The following PLEKHA5 variants were observed in gnomAD, a reference collection of about 807,000 sequenced individuals.
The protein encoded by PLEKHA5 is pleckstrin homology domain containing A5.
A neutral mutation model predicts 181.9 loss-of-function variants in PLEKHA5; 55 were observed. The ratio of observed to expected loss-of-function variants is 0.30; its 90% CI spans 0.24 to 0.38. PLEKHA5 has a LOEUF of 0.38. Among genes scored for constraint, PLEKHA5 ranks in the 10% least tolerant of loss-of-function variants. The probability of loss-of-function intolerance (pLI) is 1.00; values close to 1 mark genes in which losing one functional copy is unlikely to be tolerated. For missense variants in PLEKHA5, 1,432 were observed against 1,549.5 expected (o/e 0.92, Z 1.27); for synonymous variants, 535 against 529.4 (o/e 1.01, Z -0.15).
intron 11 of PLEKHA5, among the ~76,000 whole-genome samples, chr12:19,282,600 C>T (rs2076415108): frequency 6.6e-6 from 1 of 152,174 alleles, no homozygotes. Flanking sequence ...CTTCATATTT[C>T]ATCCATACAT....
chr12:19,240,931 C>G (rs369903248), intron 3 of PLEKHA5, among the ~76,000 whole-genome samples: 1 of 152,094 alleles, frequency 6.6e-6, no homozygotes, highest in African/African-American at 2.4e-5. Context: ...CTTTTTAACC[C>G]GCTAAAATAT....
At chr12:19,131,241 G>T (rs949779533) in intron 2 of PLEKHA5, among the ~76,000 whole-genome samples, 1 of 152,138 alleles carries the variant, frequency 6.6e-6, no homozygotes, top group Non-Finnish European at 1.5e-5. Flanking sequence ...GACATTCCGT[G>T]AATCTGTTAA....
intron 3 of PLEKHA5, among the ~76,000 whole-genome samples, chr12:19,231,999 A>G (rs370599256): frequency 1.3e-5 from 2 of 152,266 alleles, no homozygotes; most frequent in South Asian, 2.1e-4. Flanking sequence ...CATTTCTCCT[A>G]TAGCTCAGAA....
chr12:19,162,989 C>T (rs1275556756), intron 3 of PLEKHA5, among the ~76,000 whole-genome samples: 1 of 152,050 alleles, frequency 6.6e-6, no homozygotes, highest in African/African-American at 2.4e-5. Context: ...TTATTTAGTG[C>T]CTTTTAAGTG....
chr12:19,161,356 G>A (rs1223889100), intron 3 of PLEKHA5, among the ~76,000 whole-genome samples: 2 of 152,168 alleles, frequency 1.3e-5, no homozygotes, highest in Non-Finnish European at 2.9e-5. Context: ...ACACTTCAGT[G>A]AATGTCATAA....
At chr12:19,299,346 C>T (rs1189736099) in intron 15 of PLEKHA5, among the ~76,000 whole-genome samples, 1 of 152,168 alleles carries the variant, frequency 6.6e-6, no homozygotes, top group Non-Finnish European at 1.5e-5. Flanking sequence ...GGTGTTTGCT[C>T]AGGAGAACAA....
At chr12:19,370,664 A>T (rs962127762) in intron 31 of PLEKHA5, 1 of 152,024 alleles carries the variant, frequency 6.6e-6, no homozygotes, top group Admixed American at 6.6e-5. Flanking sequence ...AAGCATTAGT[A>T]CTAACATCTT....
At chr12:19,249,230 A>T (rs2064596694) in intron 3 of PLEKHA5, among the ~76,000 whole-genome samples, 1 of 152,206 alleles carries the variant, frequency 6.6e-6, no homozygotes, top group African/African-American at 2.4e-5. Context: ...GTGTAACAGC[A>T]TGCCAGCATC....
At chr12:19,346,892 G>A in intron 23 of PLEKHA5, 102 bp from the exon 24 acceptor site, 5 of 736,182 alleles carry the variant, frequency 6.8e-6, no homozygotes, top group Non-Finnish European at 1.0e-5. Context: ...GTCCCTTTTA[G>A]TATCTTAAAG....
At chr12:19,235,513 G>A (rs1338674602) in intron 3 of PLEKHA5, among the ~76,000 whole-genome samples, 1 of 152,172 alleles carries the variant, frequency 6.6e-6, no homozygotes, top group Non-Finnish European at 1.5e-5. Flanking sequence ...GGTAAGCACT[G>A]TTCTAATTGC....
At chr12:19,290,089 C>T (rs566767642) in intron 13 of PLEKHA5, among the ~76,000 whole-genome samples, 6 of 152,006 alleles carry the variant, frequency 3.9e-5, no homozygotes, top group South Asian at 4.2e-4. Context: ...ATTACAGTTG[C>T]GTGCCACCAT....
At chr12:19,145,735 C>A (rs1208729829) in intron 3 of PLEKHA5, among the ~76,000 whole-genome samples, 1 of 151,826 alleles carries the variant, frequency 6.6e-6, no homozygotes, top group East Asian at 1.9e-4. Context: ...TAAACAGAAT[C>A]TTTGTGGTCA....
At chr12:19,236,001 G>A (rs1387108827) in intron 3 of PLEKHA5, among the ~76,000 whole-genome samples, 2 of 152,216 alleles carry the variant, frequency 1.3e-5, no homozygotes, top group Non-Finnish European at 1.5e-5. Flanking sequence ...ATCCTACATA[G>A]CTAAACACAG....
chr12:19,162,938 G>A (rs954935104), intron 3 of PLEKHA5, among the ~76,000 whole-genome samples: 2 of 152,146 alleles, frequency 1.3e-5, no homozygotes, highest in African/African-American at 4.8e-5. Flanking sequence ...CTCTAGACTA[G>A]TCTAGTGTCT....
At position 19,147,807 on chromosome 12, in the gene PLEKHA5, G is replaced by A. The variant is rs377032521; in HGVS notation, c.227+15357G>A. On this transcript the variant is annotated intron_variant, in intron 3 of 31. Coordinates refer to ENST00000429027, the MANE Select transcript of PLEKHA5 (RefSeq NM_001256470.2). ...GCTGGAGTGCAGTGGCATGATCAGA[G>A]CTCACCTCAGCTTTGAATTCCTGGC... Among the ~76,000 whole-genome samples, 15 of 152,200 alleles carry A rather than the reference G, an allele frequency of 9.9e-5. No individual in the cohort carries two copies. The East Asian group carries it at 2.9e-3, about 29-fold the overall frequency.
rs541367579 is a variant in PLEKHA5 at position 19,261,840 on chromosome 12, C to A, written c.610+819C>A. Among the ~76,000 whole-genome samples the A allele has an allele frequency of 4.6e-5, 7 of 152,166 alleles. No individual in the cohort carries two copies. The South Asian group carries it at 1.2e-3, about 27-fold the overall frequency. On this transcript the variant is annotated intron_variant, in intron 7 of 31. Transcript: ENST00000429027. ...TACATTTTTTGACTGCACAAAAGAC[C>A]GGTAGCAAAATTTATAGTTGTGTAT...
intron 21 of PLEKHA5, among the ~76,000 whole-genome samples, chr12:19,342,901 T>A (rs2153180433): frequency 6.6e-6 from 1 of 152,282 alleles, no homozygotes; most frequent in South Asian, 2.1e-4. Context: ...TAGTACACCT[T>A]CCATTTCTCA....
At chr12:19,178,133 T>G (rs952430624) in intron 3 of PLEKHA5, among the ~76,000 whole-genome samples, 1 of 152,202 alleles carries the variant, frequency 6.6e-6, no homozygotes, top group Admixed American at 6.5e-5. Flanking sequence ...GAAATCTCCT[T>G]GGTCTATTAT....
rs571448822 is a variant in PLEKHA5 at position 19,254,098 on chromosome 12, A to G, written c.311+75A>G. The G allele has an allele frequency of 7.0e-5, 61 of 875,962 alleles. No individual in the cohort carries two copies. The South Asian group carries it at 8.9e-4, about 13-fold the overall frequency. 54.3% of individuals were successfully genotyped at this position (875,962 alleles called of 1,614,324 possible). On this transcript the variant is annotated intron_variant, in intron 4 of 31. Coordinates refer to ENST00000429027, the MANE Select transcript of PLEKHA5 (RefSeq NM_001256470.2). ...TGAAATTGCTGTTATTTATATTTCA[A>G]TTTAGCAGTTTTCTTATCTGGACAT...
Sources: allele counts gnomAD v4.1 joint callset (sites outside exome capture counted in the v4.1 genomes callset), GRCh38; gene constraint gnomAD v4.1.1; transcripts MANE v1.5; gene names NCBI Gene and HGNC (gene_info 2026-07-23, HGNC 2026-07-21).